Variants in ABCA9 observed in about 807,000 individuals in gnomAD.
ABCA9 encodes the protein ATP-binding cassette sub-family A member 9.
In ABCA9, 183 loss-of-function variants were observed where a neutral mutation model predicts 205.3. The ratio of observed to expected loss-of-function variants is 0.89; its 90% CI spans 0.79 to 1.01. The LOEUF is 1.01. ABCA9 is among the 50% of genes least tolerant of loss of function. The probability of loss-of-function intolerance (pLI) is 0.00; values close to 1 mark genes in which losing one functional copy is unlikely to be tolerated. For synonymous variants in ABCA9, 651 were observed against 683.3 expected, an observed-to-expected ratio of 0.95 and a Z score of 0.74; for missense variants, 1,805 against 1,912.4, an observed-to-expected ratio of 0.94 and a Z score of 1.05.
chr17:69,012,313 G>C, intron 22 of ABCA9: 1 of 445,876 alleles, frequency 2.2e-6, no homozygotes, highest in Non-Finnish European at 4.0e-6. Context: ...TCAACCAAGT[G>C]ATACGAATTG....
chr17:69,058,567 C>T (rs181091088), intron 1 of ABCA9, among the ~76,000 whole-genome samples: 7 of 152,240 alleles, frequency 4.6e-5, no homozygotes, highest in African/African-American at 1.2e-4. Context: ...AGGCCAGGTA[C>T]CGTGGCTCAT....
At chr17:69,013,279 T>TATCATCA (rs964469155) in intron 22 of ABCA9, among the ~76,000 whole-genome samples, 1 of 152,182 alleles carries the variant, frequency 6.6e-6, no homozygotes, top group Non-Finnish European at 1.5e-5. Flanking sequence ...TAATTTGATC[T>TATCATCA]ATCATCAGTT....
intron 23 of ABCA9, among the ~76,000 whole-genome samples, chr17:69,010,973 T>G (rs1347180242): frequency 6.6e-6 from 1 of 152,132 alleles, no homozygotes; most frequent in Non-Finnish European, 1.5e-5. Flanking sequence ...TAATATCACA[T>G]AGGCCACTGT....
intron 25 of ABCA9, among the ~76,000 whole-genome samples, chr17:69,003,213 C>G (rs992143812): frequency 6.6e-6 from 1 of 151,778 alleles, no homozygotes; most frequent in Non-Finnish European, 1.5e-5. Context: ...TTCCTAGTCT[C>G]GATGGTCTTT....
intron 37 of ABCA9, among the ~76,000 whole-genome samples, chr17:68,977,304 T>G (rs2068917409): frequency 6.6e-6 from 1 of 151,984 alleles, no homozygotes; most frequent in South Asian, 2.1e-4. Flanking sequence ...AAGAAAGTCA[T>G]CAAGGAACCC....
At chr17:68,984,857 G>A in intron 34 of ABCA9, 28 bp downstream of exon 34, 1 of 1,613,928 alleles carries the variant, frequency 6.2e-7, no homozygotes, top group Non-Finnish European at 8.5e-7. Flanking sequence ...ATACACTCAT[G>A]CAGAGGTTGC....
rs1446310482 is a variant in ABCA9 at position 68,996,010 on chromosome 17, A to G, written c.3440T>C (p.Val1147Ala). 2 of 1,613,428 alleles carry G rather than the reference A, an allele frequency of 1.2e-6. No individual in the cohort carries two copies. The change falls in exon 26 of 39, where the codon GTC becomes GCC. Residue 1147 changes from valine to alanine, a missense_variant. Physicochemically the swap from Val to Ala is moderately conservative, Grantham distance 64. Coordinates refer to ENST00000340001, the MANE Select transcript of ABCA9 (RefSeq NM_080283.4). ...GIWSFFFLIV[V>A]IFSIVATDLN... Reference sequence around the variant, plus strand: ...ATCAGTAGCAACTATCGAGAAGATGACCACCTAAAACAAATGCACAGTATA... The same window carrying G: ...ATCAGTAGCAACTATCGAGAAGATGGCCACCTAAAACAAATGCACAGTATA...
In ABCA9 at chr17:69,043,773, T is replaced by C. The variant is rs2071625522; in HGVS notation, c.574-58A>G. 107 of 1,367,682 alleles carry C rather than the reference T, an allele frequency of 7.8e-5. 1 individual carries two copies. In the South Asian group the frequency reaches 1.3e-3, roughly 17 times the overall value. 84.7% of individuals were successfully genotyped at this position (1,367,682 alleles called of 1,614,324 possible). A position where few individuals can be genotyped will look rare whatever the true frequency, so the allele number is the denominator to read the frequency against. ...CATCAATCTAATTCCAACCTTAGGC[T>C]TTTTCTCTAAATTATAAGGAATCAC... On this transcript the variant is annotated intron_variant, in intron 5 of 38. Coordinates refer to ENST00000340001, the MANE Select transcript of ABCA9 (RefSeq NM_080283.4).
intron 25 of ABCA9, among the ~76,000 whole-genome samples, chr17:68,998,670 T>G (rs1379977544): frequency 1.3e-5 from 2 of 152,092 alleles, no homozygotes; most frequent in South Asian, 4.1e-4. Flanking sequence ...TTTGTTGGAT[T>G]GGTTTTGTAT....
At position 69,034,002 on chromosome 17, in the gene ABCA9, T is replaced by C. The variant is rs568987219; in HGVS notation, c.1129-129A>G. 2.2e-4 allele frequency: 157 copies of C among 722,620 alleles called. 1 individual carries two copies. In the South Asian group the frequency reaches 3.1e-3, roughly 14 times the overall value. The allele number at this position is 722,620 out of a possible 1,614,324, so 44.8% of individuals were successfully genotyped here. The stretch of plus-strand genomic sequence containing the variant: ...ATAATCTTGTCTCTACAGAGCTCTG[T>C]CTACTATTATAGAAGACAATTTTAA... On this transcript the variant is annotated intron_variant, in intron 8 of 38. Transcript: ENST00000340001.
chr17:69,034,914 A>T (rs2071283248), intron 8 of ABCA9: 1 of 171,066 alleles, frequency 5.8e-6, no homozygotes. Context: ...AAAAATAAAG[A>T]TATATTTATT....
At position 68,984,899 on chromosome 17, in the gene ABCA9, C is replaced by A. The variant is rs748545976; in HGVS notation, c.4365G>T (p.Gly1455=). 1.9e-6 allele frequency: 3 copies of A among 1,614,168 alleles called. No individual in the cohort carries two copies. The highest frequency in any genetic ancestry group is 2.2e-5 in the East Asian group (1 of 44,866). ...TAGCACCTCACCACATTTGCTGCTG[C>A]CCCTCGGGGTCCATCCCGGTCGACG... ...DEPSTGMDPE[G]QQQMWQVIRA... is the part of the protein sequence containing the mutation. The change falls in exon 34 of 39, where the codon GGG becomes GGT. Residue 1455 remains glycine, a synonymous_variant. Transcript: ENST00000340001.
chr17:69,026,100 G>A (rs143138348), intron 16 of ABCA9, among the ~76,000 whole-genome samples: 2,064 of 151,884 alleles, frequency 0.014, 17 homozygotes, highest in Non-Finnish European at 0.021. Flanking sequence ...AGAAAGGGTC[G>A]GAATATCAAC....
At chr17:69,039,622 A>G (rs1372279198) in intron 6 of ABCA9, among the ~76,000 whole-genome samples, 1 of 152,192 alleles carries the variant, frequency 6.6e-6, no homozygotes, top group Admixed American at 6.5e-5. Context: ...AACCTAGGCA[A>G]TACCATTAAG....
chr17:69,077,420 C>G, the ABCA9 span, among the ~76,000 whole-genome samples: 2 of 152,106 alleles, frequency 1.3e-5, no homozygotes, highest in Non-Finnish European at 2.9e-5. Context: ...TGCTTTATGT[C>G]TGAGCATGTG....
At chr17:69,012,458 G>C (rs981604548) in intron 22 of ABCA9, 3 of 159,996 alleles carry the variant, frequency 1.9e-5, no homozygotes, top group African/African-American at 7.2e-5. Context: ...ATTGTGGACT[G>C]TCAGTGGAGG....
At chr17:69,046,904 TATATATATAA>T (rs2071732562) in intron 3 of ABCA9, among the ~76,000 whole-genome samples, 1 of 129,752 alleles carries the variant, frequency 7.7e-6, no homozygotes, top group African/African-American at 2.7e-5. Flanking sequence ...TATATATATA[TATATATATAA>T]AATTTTATAT....
chr17:69,027,261 T>C, intron 14 of ABCA9, 69 bp downstream of exon 14: 1 of 1,569,884 alleles, frequency 6.4e-7, no homozygotes, highest in Non-Finnish European at 8.6e-7. Flanking sequence ...CATTTGAAAA[T>C]TGTTTGACCT....
upstream of ABCA9, among the ~76,000 whole-genome samples, chr17:69,062,654 G>C (rs924436213): frequency 4.6e-5 from 7 of 152,012 alleles, no homozygotes; most frequent in South Asian, 4.2e-4. Context: ...GGGACTACAG[G>C]CACCTGCCAC....
Sources: gnomAD v4.1 joint callset for allele counts (sites outside exome capture counted in the v4.1 genomes callset) on GRCh38, gnomAD v4.1.1 for gene constraint, MANE v1.5 for transcripts, NCBI Gene and HGNC (gene_info 2026-07-23, HGNC 2026-07-21) for gene names.